RASA4: variants seen among roughly 807,000 people sequenced by gnomAD.
The protein encoded by RASA4 is RAS p21 protein activator 4.
A neutral mutation model predicts 24.0 loss-of-function variants in RASA4; 5 were observed. The observed-to-expected ratio is 0.21, with a 90% CI of 0.11 to 0.44. The LOEUF (loss-of-function observed/expected upper bound fraction) is 0.44. RASA4 is among the 20% of genes least tolerant of loss of function. The pLI is 0.99. For synonymous variants in RASA4, 9 were observed against 132.7 expected, an observed-to-expected ratio of 0.07 and a Z score of 6.41; for missense variants, 38 against 293.0, an observed-to-expected ratio of 0.13 and a Z score of 6.35.
intron 17 of RASA4, among the ~76,000 whole-genome samples, chr7:102,588,807 GGC>G (rs1586834666): frequency 1.6e-4 from 1 of 6,074 alleles, no homozygotes; most frequent in South Asian, 0.023. Context: ...TGGGACTACA[GGC>G]GCACACCACC....
In RASA4 at chr7:102,605,945, T is replaced by G; in HGVS notation, c.341A>C (p.Glu114Ala). 5 of 1,601,494 alleles carry G rather than the reference T, an allele frequency of 3.1e-6. No homozygotes were observed. Among genetic ancestry groups the G allele is most frequent in the Non-Finnish European group, 4.3e-6 (5 of 1,174,100 alleles). The change falls in exon 5 of 21, where the codon GAG becomes GCG. Residue 114 changes from glutamate (E) to alanine (A), a missense_variant. Glu to Ala is a moderately radical substitution (Grantham distance 107). Coordinates refer to ENST00000262940, the MANE Select transcript of RASA4 (RefSeq NM_006989.6). ...WAHLTEVDPD[E>A]EVQGEIHLRL... ...CAGGTGGATCTCGCCCTGCACCTCC[T>G]CATCGGGGTCGACCTCCGTCAGGTG...
intron 5 of RASA4, among the ~76,000 whole-genome samples, chr7:102,603,165 T>G (rs1452150213): frequency 3.6e-5 from 5 of 139,242 alleles, no homozygotes; most frequent in Non-Finnish European, 7.8e-5. Flanking sequence ...TTCACCAGGT[T>G]GGCCAGGCTG....
chr7:102,591,804 C>G (rs1309398585), intron 16 of RASA4, among the ~76,000 whole-genome samples: 1 of 148,496 alleles, frequency 6.7e-6, no homozygotes, highest in Non-Finnish European at 1.5e-5. Context: ...TCCTCAACAA[C>G]CTGGTAAGGT....
chr7:102,610,552 G>A (rs143564804), intron 2 of RASA4, among the ~76,000 whole-genome samples: 154 of 148,028 alleles, frequency 1.0e-3, no homozygotes, highest in Non-Finnish European at 1.5e-3. Flanking sequence ...ATTACTATGG[G>A]ACTCTCAGGG....
chr7:102,597,901 G>A, intron 8 of RASA4, among the ~76,000 whole-genome samples: 1 of 76,460 alleles, frequency 1.3e-5, no homozygotes, highest in South Asian at 7.4e-4. Context: ...TCACCATGTT[G>A]GCCAGGCTGG....
intron 5 of RASA4, among the ~76,000 whole-genome samples, chr7:102,604,005 A>G (rs562460558): frequency 2.7e-5 from 4 of 150,020 alleles, no homozygotes; most frequent in Admixed American, 6.7e-5. Flanking sequence ...TCTACTAAAA[A>G]TACAAAAAAT....
intron 15 of RASA4, among the ~76,000 whole-genome samples, 167 bp downstream of exon 15, chr7:102,592,826 CA>C (rs1275184292): frequency 6.6e-6 from 1 of 151,576 alleles, no homozygotes; most frequent in Non-Finnish European, 1.5e-5. Context: ...ACAGGAAGCA[CA>C]AACAGTGGTG....
chr7:102,595,770 C>CG lies in RASA4; in HGVS notation c.869_870insC (p.Ile291AspfsTer47). ...TGGTTGTCTCCTCGATGAGTGGGAT[C>CG]AGCTGCCCTGGGCCCTGCAGGGAGA... On this transcript the variant is annotated frameshift_variant, in exon 10 of 21. Coordinates refer to ENST00000262940, the MANE Select transcript of RASA4 (RefSeq NM_006989.6). LOFTEE classifies it high-confidence loss of function. 13 of 1,295,558 alleles carry CG rather than the reference C, an allele frequency of 1.0e-5. No homozygotes were observed. Among genetic ancestry groups the CG allele is most frequent in the Non-Finnish European group, 1.3e-5 (13 of 970,706 alleles). The allele number at this position is 1,295,558 out of a possible 1,614,324, so 80.3% of individuals were successfully genotyped here.
chr7:102,590,947 A>G (rs1422629177), intron 16 of RASA4, among the ~76,000 whole-genome samples: 8 of 148,438 alleles, frequency 5.4e-5, no homozygotes, highest in African/African-American at 1.3e-4. Flanking sequence ...TCTCAAAAAA[A>G]AAAAAAAAAA....
chr7:102,591,837 A>C (rs1263619867), intron 16 of RASA4, among the ~76,000 whole-genome samples: 3 of 122,942 alleles, frequency 2.4e-5, no homozygotes, highest in African/African-American at 5.9e-5. Flanking sequence ...CTCCATATTC[A>C]TTTTTTTTTT....
At chr7:102,587,088 C>G in intron 18 of RASA4, among the ~76,000 whole-genome samples, 1 of 3,212 alleles carries the variant, frequency 3.1e-4, no homozygotes, top group South Asian at 0.023. Context: ...TAGAGCGAGA[C>G]TCAGTATCAA....
Position 102,580,820 on chromosome 7 carries a change from G to A in RASA4, c.*1951C>T, listed in dbSNP as rs1181321391. ...TCAAGCCATTTGCACTCCAGCCTGGGCAACACAGTGAGACTCTGTCTCAAA... is the reference window on the plus strand; with the variant it reads ...TCAAGCCATTTGCACTCCAGCCTGGACAACACAGTGAGACTCTGTCTCAAA... On this transcript the variant is annotated 3_prime_UTR_variant, in exon 21 of 21. Coordinates refer to ENST00000262940, the MANE Select transcript of RASA4 (RefSeq NM_006989.6). 7 of 69,288 alleles carry A rather than the reference G, an allele frequency of 1.0e-4. No homozygotes were observed. Among genetic ancestry groups the A allele is most frequent in the African/African-American group, 3.0e-4 (7 of 23,560 alleles). 4.3% of individuals were successfully genotyped at this position (69,288 alleles called of 1,614,324 possible). A position where few individuals can be genotyped will look rare whatever the true frequency, so the allele number is the denominator to read the frequency against.
At chr7:102,591,018 T>TATA (rs2133442971) in intron 16 of RASA4, among the ~76,000 whole-genome samples, 1 of 138,598 alleles carries the variant, frequency 7.2e-6, no homozygotes, top group East Asian at 2.1e-4. Context: ...AAGGAAGATG[T>TATA]ATAATAATCA....
Position 102,580,801 on chromosome 7 carries a change from C to A in RASA4, c.*1970G>T. On this transcript the variant is annotated 3_prime_UTR_variant, in exon 21 of 21. Transcript: ENST00000262940. ...AGGTTGCAGTGAACCAAGATCAAGC[C>A]ATTTGCACTCCAGCCTGGGCAACAC... 1.6e-5 allele frequency: 1 copy of A among 62,584 alleles called. No individual in the cohort carries two copies. Among genetic ancestry groups the A allele is most frequent in the South Asian group, 9.9e-4 (1 of 1,008 alleles). The allele number at this position is 62,584 out of a possible 1,614,324, so 3.9% of individuals were successfully genotyped here.
intron 5 of RASA4, among the ~76,000 whole-genome samples, chr7:102,603,770 G>A (rs1790474276): frequency 1.3e-5 from 2 of 152,000 alleles, no homozygotes; most frequent in Non-Finnish European, 2.9e-5. Flanking sequence ...AACCTGGGGA[G>A]GCAGAGGTTG....
At chr7:102,610,860 C>CA (rs1229171922) in intron 2 of RASA4, among the ~76,000 whole-genome samples, 7 of 136,670 alleles carry the variant, frequency 5.1e-5, no homozygotes, top group African/African-American at 1.8e-4. Context: ...CAAAGATGAA[C>CA]AGAGTCCGGT....
At chr7:102,603,181 G>A (rs1313301520) in intron 5 of RASA4, among the ~76,000 whole-genome samples, 1 of 139,376 alleles carries the variant, frequency 7.2e-6, no homozygotes, top group East Asian at 2.1e-4. Flanking sequence ...GGCTGCCGTC[G>A]AACTCCTGAC....
intron 6 of RASA4, 55 bp downstream of exon 6, chr7:102,602,269 T>C: frequency 5.8e-4 from 1 of 1,718 alleles, no homozygotes; most frequent in Non-Finnish European, 1.1e-3. Context: ...AATGGGGGCG[T>C]GGCTGGCACG....
Position 102,581,290 on chromosome 7 carries a change from A to AGCCCTGCCC in RASA4, c.*1472_*1480dup, listed in dbSNP as rs1789688381. ...CTTCTGTGTCCTCATAACCCACAAA[A>AGCCCTGCCC]GCCCTGCCCACCCTGCCCCGGGGCG... On this transcript the variant is annotated 3_prime_UTR_variant, in exon 21 of 21. Coordinates refer to ENST00000262940, the MANE Select transcript of RASA4 (RefSeq NM_006989.6). The AGCCCTGCCC allele has an allele frequency of 6.5e-6, 1 of 152,842 alleles. No homozygotes were observed. The highest frequency in any genetic ancestry group is 1.5e-5 in the Non-Finnish European group (1 of 68,596). The allele number at this position is 152,842 out of a possible 1,614,324, so 9.5% of individuals were successfully genotyped here.
Sources: allele counts gnomAD v4.1 joint callset (sites outside exome capture counted in the v4.1 genomes callset), GRCh38; gene constraint gnomAD v4.1.1; transcripts MANE v1.5; gene names NCBI Gene and HGNC (gene_info 2026-07-23, HGNC 2026-07-21).